Variants in QTMAN observed in about 807,000 individuals in gnomAD.
QTMAN encodes queuosine-tRNA mannosyltransferase, also known as tRNA-queuosine alpha-mannosyltransferase.
chr2:143,951,162 TAAA>T, the QTMAN span: 4 of 151,924 alleles, frequency 2.6e-5, no homozygotes, highest in Admixed American at 2.6e-4. Context: ...TGTTAGATTA[TAAA>T]ACTGCTAGAT....
the QTMAN span, among the ~76,000 whole-genome samples, chr2:144,031,601 C>T: frequency 6.6e-6 from 1 of 151,858 alleles, no homozygotes; most frequent in Non-Finnish European, 1.5e-5. Flanking sequence ...GGTAAAAGTA[C>T]CCAAAGAATT....
the QTMAN span, among the ~76,000 whole-genome samples, chr2:144,040,880 T>C: frequency 2.6e-5 from 4 of 152,192 alleles, no homozygotes; most frequent in African/African-American, 9.7e-5. Flanking sequence ...GTGGATTTAT[T>C]ATCATTATTT....
chr2:143,989,782 G>A, the QTMAN span, among the ~76,000 whole-genome samples: 5 of 152,140 alleles, frequency 3.3e-5, no homozygotes, highest in Admixed American at 3.3e-4. Context: ...GAGTTGCCAA[G>A]TGATGGTCAT....
chr2:144,183,405 A>G, the QTMAN span, among the ~76,000 whole-genome samples: 1 of 152,006 alleles, frequency 6.6e-6, no homozygotes, highest in African/African-American at 2.4e-5. Context: ...TTTAGTAGCT[A>G]TTCATTGGCC....
chr2:144,040,348 T>C, the QTMAN span, among the ~76,000 whole-genome samples: 1 of 152,066 alleles, frequency 6.6e-6, no homozygotes, highest in Non-Finnish European at 1.5e-5. Context: ...CACTTGCTTC[T>C]GCTTGAGTTA....
the QTMAN span, among the ~76,000 whole-genome samples, chr2:144,210,336 T>C: frequency 6.6e-6 from 1 of 152,140 alleles, no homozygotes; most frequent in African/African-American, 2.4e-5. Flanking sequence ...AGACTACAAA[T>C]AGCAAGAAGG....
At chr2:144,223,340 G>A in the QTMAN span, among the ~76,000 whole-genome samples, 1 of 151,950 alleles carries the variant, frequency 6.6e-6, no homozygotes, top group South Asian at 2.1e-4. Context: ...ATTTAGATGG[G>A]TATGAAGACT....
the QTMAN span, among the ~76,000 whole-genome samples, chr2:144,192,453 C>T: frequency 6.6e-6 from 1 of 151,984 alleles, no homozygotes. Flanking sequence ...AATAGACTGT[C>T]AAAAAAGTAG....
At chr2:144,184,991 C>T in the QTMAN span, among the ~76,000 whole-genome samples, 1 of 152,098 alleles carries the variant, frequency 6.6e-6, no homozygotes, top group Non-Finnish European at 1.5e-5. Flanking sequence ...AAAAAAGGTG[C>T]TATTACCAAA....
chr2:144,084,863 A>G, the QTMAN span, among the ~76,000 whole-genome samples: 3 of 152,210 alleles, frequency 2.0e-5, no homozygotes, highest in Non-Finnish European at 2.9e-5. Context: ...TCACTAAGCC[A>G]TTGGAAGCAA....
chr2:144,228,422 T>C, the QTMAN span, among the ~76,000 whole-genome samples: 1 of 152,170 alleles, frequency 6.6e-6, no homozygotes, highest in Non-Finnish European at 1.5e-5. Context: ...TGTTGCATAG[T>C]TATTACAAGA....
chr2:144,221,511 A>G, the QTMAN span, among the ~76,000 whole-genome samples: 1,336 of 152,346 alleles, frequency 8.8e-3, 14 homozygotes, highest in African/African-American at 0.03. Context: ...GTACATGCAC[A>G]CACGCAAACA....
chr2:144,131,106 G>A, the QTMAN span, among the ~76,000 whole-genome samples: 1 of 151,762 alleles, frequency 6.6e-6, no homozygotes, highest in Non-Finnish European at 1.5e-5. Flanking sequence ...TATGTCAAAC[G>A]AAAGGGCAAA....
the QTMAN span, among the ~76,000 whole-genome samples, chr2:144,133,131 A>ATT: frequency 1.9e-4 from 9 of 48,616 alleles, no homozygotes; most frequent in African/African-American, 6.2e-4. Context: ...ATATATATAT[A>ATT]TATATATATA....
chr2:144,210,059 C>T, the QTMAN span, among the ~76,000 whole-genome samples: 4 of 29,992 alleles, frequency 1.3e-4, no homozygotes, highest in African/African-American at 4.8e-4. Context: ...ATTATGTGGG[C>T]GGGGGGGGGC....
chr2:144,319,919 T>A, the QTMAN span: 1 of 152,210 alleles, frequency 6.6e-6, no homozygotes, highest in Non-Finnish European at 1.5e-5. Context: ...AAACATCTAT[T>A]TCAGCACTGC....
chr2:144,273,703 C>T, the QTMAN span, among the ~76,000 whole-genome samples: 2 of 152,098 alleles, frequency 1.3e-5, no homozygotes, highest in African/African-American at 4.8e-5. Flanking sequence ...TGGATGTAAC[C>T]ATTTATTGGA....
chr2:144,307,175 A>AC, the QTMAN span, among the ~76,000 whole-genome samples: 21 of 150,288 alleles, frequency 1.4e-4, no homozygotes, highest in Admixed American at 2.7e-4. Flanking sequence ...AAAAAAAAAA[A>AC]AAAAAAAACA....
the QTMAN span, among the ~76,000 whole-genome samples, chr2:144,110,403 A>AG: frequency 6.6e-6 from 1 of 152,048 alleles, no homozygotes; most frequent in Non-Finnish European, 1.5e-5. Flanking sequence ...GGGTGAGGGG[A>AG]GGGGGGAAGG....
Sources: allele counts gnomAD v4.1 joint callset (sites outside exome capture counted in the v4.1 genomes callset), GRCh38; gene constraint gnomAD v4.1.1; transcripts MANE v1.5; gene names NCBI Gene and HGNC (gene_info 2026-07-23, HGNC 2026-07-21).